The following ATF6 variants were observed in gnomAD, a reference collection of about 807,000 sequenced individuals.
ATF6 encodes the protein activating transcription factor 6, also known as cyclic AMP-dependent transcription factor ATF-6 alpha.
Under a neutral mutation model 83.6 loss-of-function variants are expected in ATF6, and 53 were observed. The ratio of observed to expected loss-of-function variants is 0.63; its 90% CI spans 0.51 to 0.80. ATF6 has a LOEUF of 0.80. Ranked by LOEUF, ATF6 falls within the 30% of genes least tolerant of loss-of-function variation. The pLI is 0.00. For missense variants in ATF6, 744 were observed against 797.9 expected (o/e 0.93, Z 0.81); for synonymous variants, 288 against 285.8 (o/e 1.01, Z -0.08).
At chr1:161,798,564 A>C (rs1685072964) in intron 6 of ATF6, among the ~76,000 whole-genome samples, 2 of 152,218 alleles carry the variant, frequency 1.3e-5, no homozygotes, top group South Asian at 4.1e-4. Context: ...GTGAGCTGAG[A>C]TTGTGCCACT....
At chr1:161,826,281 C>T (rs1224557439) in intron 9 of ATF6, among the ~76,000 whole-genome samples, 1 of 151,724 alleles carries the variant, frequency 6.6e-6, no homozygotes, top group Non-Finnish European at 1.5e-5. Flanking sequence ...AAGACTGGAA[C>T]AAAAAAAATT....
rs150937010 is a variant in ATF6 at position 161,874,936 on chromosome 1, A to G, written c.1719+11624A>G. ...TTTGACCCTAACCTTTCAGGCTCCTATTTTGCCATCAGGTCCAAAACCAAA... is the reference window on the plus strand; with the variant it reads ...TTTGACCCTAACCTTTCAGGCTCCTGTTTTGCCATCAGGTCCAAAACCAAA... On this transcript the variant is annotated intron_variant, in intron 14 of 15. Coordinates refer to ENST00000367942, the MANE Select transcript of ATF6 (RefSeq NM_007348.4). Among the ~76,000 whole-genome samples, 1,492 of 151,736 alleles carry G rather than the reference A, an allele frequency of 9.8e-3. 8 individuals are homozygous for G. The highest frequency in any genetic ancestry group is 0.017 in the South Asian group (82 of 4,822).
chr1:161,892,166 T>A (rs545413506), intron 14 of ATF6: 1 of 152,284 alleles, frequency 6.6e-6, no homozygotes, highest in East Asian at 1.9e-4. Context: ...TTTAACAGAT[T>A]GAAATAAAAC....
intron 2 of ATF6, 134 bp downstream of exon 2, chr1:161,778,454 GTA>G: frequency 1.5e-6 from 1 of 649,036 alleles, no homozygotes; most frequent in Non-Finnish European, 2.6e-6. Context: ...CTACCATTAA[GTA>G]TGAAAGTTAG....
Position 161,821,097 on chromosome 1 carries a change from A to G in ATF6, c.1123A>G (p.Lys375Glu), listed in dbSNP as rs758549801. 5.6e-6 allele frequency: 9 copies of G among 1,613,060 alleles called. No homozygotes were observed. Among genetic ancestry groups the G allele is most frequent in the Middle Eastern group, 3.3e-4 (2 of 6,078 alleles). ...ENQRLKVPSP[K>E]RRVVCVMIVL... ...CCAGAGGCTTAAAGTCCCTAGTCCA[A>G]AGCGAAGAGTTGTCTGTGTGATGAT... Residue 375 changes from lysine to glutamate, a missense_variant, in exon 9 of 16, where the codon AAG becomes GAG. Transcript: ENST00000367942.
chr1:161,900,705 ATTTGC>A (rs983293558), intron 14 of ATF6, among the ~76,000 whole-genome samples: 1 of 152,070 alleles, frequency 6.6e-6, no homozygotes, highest in Admixed American at 6.5e-5. Context: ...TATGCTAATT[ATTTGC>A]TTTGCATATG....
intron 9 of ATF6, among the ~76,000 whole-genome samples, chr1:161,831,506 T>G (rs1474937222): frequency 1.3e-5 from 2 of 152,064 alleles, no homozygotes; most frequent in Non-Finnish European, 2.9e-5. Context: ...ATATGTTTAT[T>G]GTGGCACTAT....
intron 15 of ATF6, among the ~76,000 whole-genome samples, chr1:161,935,849 C>T (rs1227110748): frequency 6.6e-6 from 1 of 152,190 alleles, no homozygotes; most frequent in East Asian, 1.9e-4. Flanking sequence ...TCGAGCATTT[C>T]TAAAGAAACG....
At chr1:161,899,773 G>A (rs1687744877) in intron 14 of ATF6, among the ~76,000 whole-genome samples, 1 of 151,954 alleles carries the variant, frequency 6.6e-6, no homozygotes, top group Non-Finnish European at 1.5e-5. Context: ...TTACATTGTG[G>A]GATAGGCACA....
At chr1:161,845,062 T>C (rs982063169) in intron 9 of ATF6, among the ~76,000 whole-genome samples, 2 of 152,220 alleles carry the variant, frequency 1.3e-5, no homozygotes, top group Non-Finnish European at 2.9e-5. Context: ...GCCCAAGTGC[T>C]AAAGCATACC....
rs1687898975 is a variant in ATF6, at chr1:161,907,510, G to C, written c.1720-4786G>C. On this transcript the variant is annotated intron_variant, in intron 14 of 15. Transcript: ENST00000367942. ...CCCTAATAGAGGTCTGTGTTGATCT[G>C]TGTGAAAGCTGCTCAGTGTCACAAG... Among the ~76,000 whole-genome samples, 3 of 151,888 alleles carry C rather than the reference G, an allele frequency of 2.0e-5. No homozygotes were observed. In the South Asian group the frequency reaches 6.2e-4, roughly 32 times the overall value.
rs914388250 is a variant in ATF6 at position 161,845,847 on chromosome 1, A to G, written c.1188-602A>G. ...GTATATATTTTGTTGTTTTCTCCAAATGCTTATGCCTCTGAAGAGGATATA... is the reference window on the plus strand; with the variant it reads ...GTATATATTTTGTTGTTTTCTCCAAGTGCTTATGCCTCTGAAGAGGATATA... On this transcript the variant is annotated intron_variant, in intron 9 of 15. Coordinates refer to ENST00000367942, the MANE Select transcript of ATF6 (RefSeq NM_007348.4). Among the ~76,000 whole-genome samples the G allele has an allele frequency of 3.9e-5, 6 of 152,194 alleles. No homozygotes were observed. In the East Asian group the frequency reaches 9.6e-4, roughly 24 times the overall value.
At chr1:161,784,660 A>T (rs916614454) in intron 4 of ATF6, among the ~76,000 whole-genome samples, 5 of 152,200 alleles carry the variant, frequency 3.3e-5, no homozygotes, top group African/African-American at 9.6e-5. Flanking sequence ...GGGGAAAGGG[A>T]AAGTATAAGA....
chr1:161,939,326 A>G (rs1278627569), intron 15 of ATF6, among the ~76,000 whole-genome samples: 2 of 152,112 alleles, frequency 1.3e-5, no homozygotes, highest in African/African-American at 4.8e-5. Flanking sequence ...ATCTTTTTTT[A>G]TATATGTATT....
At chr1:161,829,644 T>C (rs966484502) in intron 9 of ATF6, among the ~76,000 whole-genome samples, 1 of 151,962 alleles carries the variant, frequency 6.6e-6, no homozygotes, top group African/African-American at 2.4e-5. Context: ...GCAAGGCTGG[T>C]TCAACATACA....
At position 161,846,503 on chromosome 1, in the gene ATF6, A is replaced by G; in HGVS notation, c.1242A>G (p.Gln414=). ...RMNPSVSPAN[Q]RRHLLGFSAK... Reference sequence around the variant, plus strand: ...ACCCTAGTGTGAGCCCTGCAAATCAAAGGAGGCACCTTCTAGGATTTTCTG... The same window carrying G: ...ACCCTAGTGTGAGCCCTGCAAATCAGAGGAGGCACCTTCTAGGATTTTCTG... Residue 414 remains glutamine (Q), a synonymous_variant, in exon 10 of 16, where the codon CAA becomes CAG. Coordinates refer to ENST00000367942, the MANE Select transcript of ATF6 (RefSeq NM_007348.4). 6.2e-7 allele frequency: 1 copy of G among 1,611,586 alleles called. No homozygotes were observed. Among genetic ancestry groups the G allele is most frequent in the Non-Finnish European group, 8.5e-7 (1 of 1,178,440 alleles).
At chr1:161,950,169 G>C (rs1289015855) in intron 15 of ATF6, among the ~76,000 whole-genome samples, 1 of 152,088 alleles carries the variant, frequency 6.6e-6, no homozygotes, top group Non-Finnish European at 1.5e-5. Flanking sequence ...CATATGCCAG[G>C]CTTTTTAATA....
At chr1:161,952,302 C>A (rs549524235) in intron 15 of ATF6, among the ~76,000 whole-genome samples, 12 of 152,098 alleles carry the variant, frequency 7.9e-5, no homozygotes, top group Admixed American at 3.9e-4. Flanking sequence ...CCTGGAAACT[C>A]AGACGTGTGT....
At chr1:161,896,034 G>A (rs1234988849) in intron 14 of ATF6, among the ~76,000 whole-genome samples, 1 of 152,186 alleles carries the variant, frequency 6.6e-6, no homozygotes, top group Non-Finnish European at 1.5e-5. Flanking sequence ...AAACTATACT[G>A]CTAACACATA....
Sources: gnomAD v4.1 joint callset for allele counts (sites outside exome capture counted in the v4.1 genomes callset) on GRCh38, gnomAD v4.1.1 for gene constraint, MANE v1.5 for transcripts, NCBI Gene and HGNC (gene_info 2026-07-23, HGNC 2026-07-21) for gene names.